The following ANO4 variants were observed in gnomAD, a reference collection of about 807,000 sequenced individuals.
ANO4 encodes the protein anoctamin-4.
Under a neutral mutation model 141.9 loss-of-function variants are expected in ANO4, and 69 were observed. That is an observed-to-expected ratio of 0.49 (90% CI 0.40 to 0.59). The LOEUF (loss-of-function observed/expected upper bound fraction) is 0.59. Among genes scored for constraint, ANO4 ranks in the 20% least tolerant of loss-of-function variants. ANO4 has a pLI of 0.00. For missense variants in ANO4, 894 were observed against 1,162.2 expected, an observed-to-expected ratio of 0.77 and a Z score of 3.36; for synonymous variants, 350 against 394.3, an observed-to-expected ratio of 0.89 and a Z score of 1.33.
chr12:100,984,837 C>G (rs1342750025), intron 7 of ANO4, among the ~76,000 whole-genome samples: 2 of 152,216 alleles, frequency 1.3e-5, no homozygotes, highest in African/African-American at 2.4e-5. Context: ...ATCATCTCCA[C>G]ATTTCAATTA....
intron 7 of ANO4, among the ~76,000 whole-genome samples, chr12:100,981,441 A>G (rs989870189): frequency 2.4e-5 from 3 of 124,456 alleles, no homozygotes; most frequent in Non-Finnish European, 5.4e-5. Flanking sequence ...AAAGGAGGGA[A>G]GGAAGGAAGG....
At chr12:101,036,492 T>C (rs943549188) in intron 9 of ANO4, among the ~76,000 whole-genome samples, 8 of 152,168 alleles carry the variant, frequency 5.3e-5, no homozygotes, top group Admixed American at 5.2e-4. Context: ...GTGGTACATA[T>C]ATACAATGGA....
chr12:101,121,442 C>A (rs569588543), intron 26 of ANO4, among the ~76,000 whole-genome samples: 11 of 152,170 alleles, frequency 7.2e-5, no homozygotes, highest in African/African-American at 2.7e-4. Flanking sequence ...CATAGTATTC[C>A]ATGGTGTATA....
intron 14 of ANO4, among the ~76,000 whole-genome samples, chr12:101,059,471 G>C (rs750900262): frequency 6.6e-6 from 1 of 152,192 alleles, no homozygotes; most frequent in South Asian, 2.1e-4. Flanking sequence ...GTAGAATTCA[G>C]CTGTGAATCC....
chr12:100,921,517 C>G (rs1178522065), intron 2 of ANO4, among the ~76,000 whole-genome samples: 1 of 152,058 alleles, frequency 6.6e-6, no homozygotes, highest in African/African-American at 2.4e-5. Context: ...CTTTAAGAAG[C>G]TTTTAGAAGG....
rs116878545 is a variant in ANO4, at chr12:100,914,179, T to C, written c.56-8047T>C. Among the ~76,000 whole-genome samples, 168 of 152,300 alleles carry C rather than the reference T, an allele frequency of 1.1e-3. 3 individuals carry two copies. In the East Asian group the frequency reaches 0.031, roughly 28 times the overall value. ...GAACTTTTAGTGCAGGGATGCATTA[T>C]AACTTAGGAGATCATGATCTTACCA... On this transcript the variant is annotated intron_variant, in intron 2 of 27. Transcript: ENST00000392977.
At chr12:101,097,409 C>T (rs981856566) in intron 19 of ANO4, among the ~76,000 whole-genome samples, 3 of 152,182 alleles carry the variant, frequency 2.0e-5, no homozygotes, top group Non-Finnish European at 4.4e-5. Flanking sequence ...TGAAAGTCCA[C>T]AGCAAGCAGC....
At chr12:100,852,946 C>T (rs181828219) in intron 1 of ANO4, among the ~76,000 whole-genome samples, 20 of 152,214 alleles carry the variant, frequency 1.3e-4, no homozygotes, top group Admixed American at 3.3e-4. Context: ...TGTTTTATGG[C>T]GCCAGAGGTA....
At chr12:100,970,740 C>A (rs558751344) in intron 5 of ANO4, among the ~76,000 whole-genome samples, 2 of 129,282 alleles carry the variant, frequency 1.5e-5, no homozygotes, top group African/African-American at 5.5e-5. Flanking sequence ...TTTCTTTCGA[C>A]AGAGACTCCC....
chr12:101,074,163 G>T (rs78922070), intron 14 of ANO4, among the ~76,000 whole-genome samples: 2 of 152,082 alleles, frequency 1.3e-5, no homozygotes, highest in Non-Finnish European at 2.9e-5. Flanking sequence ...AGGTTAGATC[G>T]CTGTAGCACA....
At chr12:100,884,991 A>G (rs2039759989) in intron 1 of ANO4, among the ~76,000 whole-genome samples, 1 of 152,134 alleles carries the variant, frequency 6.6e-6, no homozygotes, top group South Asian at 2.1e-4. Flanking sequence ...CACCATACCC[A>G]GCCTCGGTGC....
intron 3 of ANO4, among the ~76,000 whole-genome samples, chr12:100,744,995 C>A (rs1302019089): frequency 2.6e-5 from 4 of 151,914 alleles, no homozygotes; most frequent in African/African-American, 9.7e-5. Flanking sequence ...CCTCTCCCAC[C>A]TTTTCTTCCT....
intron 14 of ANO4, among the ~76,000 whole-genome samples, chr12:101,057,422 G>T (rs2048168904): frequency 1.3e-5 from 2 of 152,146 alleles, no homozygotes; most frequent in South Asian, 4.1e-4. Context: ...TCCTTGAGGA[G>T]TCACCACATT....
Position 101,068,187 on chromosome 12 carries a change from G to A in ANO4, c.1313-11006G>A, listed in dbSNP as rs141594371. The A allele has an allele frequency of 1.1e-5, 13 of 1,218,256 alleles. No homozygotes were observed. In the African/African-American group the frequency reaches 1.2e-4, roughly 11 times the overall value. 75.5% of individuals were successfully genotyped at this position (1,218,256 alleles called of 1,614,324 possible). ...ACTTTTAAATAGCCCCATAGGAGTG[G>A]AGTGGTTGTCTCCTGTGGACCAGCA... On this transcript the variant is annotated intron_variant, in intron 14 of 27. Transcript: ENST00000392977.
chr12:100,909,655 G>A (rs188689672), intron 2 of ANO4, among the ~76,000 whole-genome samples: 2 of 152,238 alleles, frequency 1.3e-5, no homozygotes, highest in Non-Finnish European at 2.9e-5. Context: ...TGACTTTGAA[G>A]GTCAACTAGG....
At chr12:100,802,286 G>A (rs922812458) in intron 1 of ANO4, among the ~76,000 whole-genome samples, 1 of 152,190 alleles carries the variant, frequency 6.6e-6, no homozygotes, top group Non-Finnish European at 1.5e-5. Context: ...ATATGCATGT[G>A]TAAGTTTGTT....
intron 1 of ANO4, among the ~76,000 whole-genome samples, chr12:100,894,938 C>A (rs2040273996): frequency 6.9e-6 from 1 of 144,576 alleles, no homozygotes; most frequent in African/African-American, 2.6e-5. Flanking sequence ...TGCACTCCAG[C>A]CTGGGCGACA....
intron 3 of ANO4, among the ~76,000 whole-genome samples, chr12:100,742,003 A>C (rs1207490301): frequency 6.6e-6 from 1 of 152,114 alleles, no homozygotes. Context: ...TGATTTTTGG[A>C]TAAAGGTTTC....
intron 8 of ANO4, among the ~76,000 whole-genome samples, chr12:100,993,157 C>G (rs984261677): frequency 1.3e-5 from 2 of 152,174 alleles, no homozygotes; most frequent in African/African-American, 4.8e-5. Flanking sequence ...CCACCATACT[C>G]CAGCCTGGGC....
Sources: allele counts gnomAD v4.1 joint callset (sites outside exome capture counted in the v4.1 genomes callset), GRCh38; gene constraint gnomAD v4.1.1; transcripts MANE v1.5; gene names NCBI Gene and HGNC (gene_info 2026-07-23, HGNC 2026-07-21).